Variants in SPIRE1 observed in about 807,000 individuals in gnomAD.
The protein encoded by SPIRE1 is spire type actin nucleation factor 1, also known as protein spire homolog 1.
A neutral mutation model predicts 94.1 loss-of-function variants in SPIRE1; 40 were observed. The observed-to-expected ratio is 0.43, with a 90% CI of 0.33 to 0.55. The LOEUF is 0.55. Among genes scored for constraint, SPIRE1 ranks in the 20% least tolerant of loss-of-function variants. SPIRE1 has a pLI of 0.06. For missense variants in SPIRE1, 838 were observed against 975.2 expected, an observed-to-expected ratio of 0.86 and a Z score of 1.87; for synonymous variants, 376 against 371.7, an observed-to-expected ratio of 1.01 and a Z score of -0.13.
intron 2 of SPIRE1, among the ~76,000 whole-genome samples, chr18:12,620,476 C>T (rs188543933): frequency 2.0e-5 from 3 of 152,268 alleles, no homozygotes; most frequent in Admixed American, 6.5e-5. Context: ...CACAATAGAA[C>T]GGAACTGACA....
At chr18:12,599,437 ATT>A (rs1200832640) in intron 2 of SPIRE1, among the ~76,000 whole-genome samples, 1 of 151,976 alleles carries the variant, frequency 6.6e-6, no homozygotes, top group African/African-American at 2.4e-5. Context: ...ATTTAAAAAA[ATT>A]TTTTTATAGA....
At position 12,449,907 on chromosome 18, in the gene SPIRE1, A is replaced by C; in HGVS notation, c.2013-11T>G. 1 of 1,611,456 alleles carries C rather than the reference A, an allele frequency of 6.2e-7. No homozygotes were observed. The highest frequency in any genetic ancestry group is 8.5e-7 in the Non-Finnish European group (1 of 1,178,444). ...GATTTTGAGGAGAACCTGGGGTGAA[A>C]ACAAAACAGAAGCCCAGCATTGTTA... On this transcript the variant is annotated splice_polypyrimidine_tract_variant and intron_variant, in intron 16 of 16. Transcript: ENST00000409402.
At chr18:12,505,090 T>C (rs486743) in intron 6 of SPIRE1, among the ~76,000 whole-genome samples, 16,909 of 152,022 alleles carry the variant, frequency 0.11, 1,908 homozygotes, top group African/African-American at 0.29. Flanking sequence ...GAAAAGCCAG[T>C]GGAAGGTTCT....
intron 6 of SPIRE1, among the ~76,000 whole-genome samples, chr18:12,501,680 C>T (rs889594023): frequency 6.6e-6 from 1 of 152,164 alleles, no homozygotes; most frequent in African/African-American, 2.4e-5. Flanking sequence ...TGGCGCCTGG[C>T]CCAGGTGTGG....
At position 12,463,423 on chromosome 18, in the gene SPIRE1, A is replaced by C; in HGVS notation, c.1566T>G (p.His522Gln). The C allele has an allele frequency of 6.2e-7, 1 of 1,614,018 alleles. No homozygotes were observed. Among genetic ancestry groups the C allele is most frequent in the Non-Finnish European group, 8.5e-7 (1 of 1,179,970 alleles). ...PERRQPPQRR[H>Q]SIEKETPTNV... ...TAGTAGGCGTTTCCTTTTCAATGGA[A>C]TGTCGTCTCTGGGGTGGCTGCCGTC... Residue 522 changes from histidine (H) to glutamine (Q), a missense_variant, in exon 12 of 17, where the codon CAT (histidine) becomes CAG (glutamine). Around this residue, in one of 2 missense-constraint regions of SPIRE1, gnomAD observed 645 missense variants for 804.7 expected, o/e 0.80. Transcript: ENST00000409402.
chr18:12,450,006 G>T, intron 16 of SPIRE1, 110 bp from the exon 17 acceptor site: 1 of 1,114,594 alleles, frequency 9.0e-7, no homozygotes, highest in Non-Finnish European at 1.3e-6. Flanking sequence ...ATCATGGAAT[G>T]GATGAGTGAT....
Position 12,485,951 on chromosome 18 carries a change from T to A in SPIRE1, c.1231+8A>T. 6.5e-7 allele frequency: 1 copy of A among 1,533,740 alleles called. No homozygotes were observed. On this transcript the variant is annotated splice_region_variant and intron_variant, in intron 9 of 16. Coordinates refer to ENST00000409402, the MANE Select transcript of SPIRE1 (RefSeq NM_001128626.2). ...CGTCAGGTGTAAAAGTGTTTTTGTT[T>A]TTTTTACCTGACAAGTCAAAACTGT...
intron 2 of SPIRE1, among the ~76,000 whole-genome samples, chr18:12,563,221 C>A (rs1213361914): frequency 1.3e-5 from 2 of 150,596 alleles, no homozygotes; most frequent in Non-Finnish European, 3.0e-5. Flanking sequence ...AAAAAAAAAT[C>A]TGAGTTCTAG....
chr18:12,562,032 G>C, intron 2 of SPIRE1, among the ~76,000 whole-genome samples: 1 of 152,136 alleles, frequency 6.6e-6, no homozygotes, highest in South Asian at 2.1e-4. Flanking sequence ...TAATGAGATT[G>C]ACAATAACAG....
At chr18:12,507,497 G>A (rs147197574) in intron 5 of SPIRE1, among the ~76,000 whole-genome samples, 300 of 152,086 alleles carry the variant, frequency 2.0e-3, no homozygotes, top group African/African-American at 6.6e-3. Flanking sequence ...TCAGGAGTTC[G>A]AGACCAGCCT....
intron 2 of SPIRE1, among the ~76,000 whole-genome samples, chr18:12,604,064 C>A (rs188367351): frequency 1.5e-3 from 223 of 152,254 alleles, no homozygotes; most frequent in Admixed American, 2.4e-3. Context: ...CTCTTCATCT[C>A]GTCACCAGTA....
chr18:12,613,788 T>G (rs1359570324), intron 2 of SPIRE1, among the ~76,000 whole-genome samples: 1 of 152,112 alleles, frequency 6.6e-6, no homozygotes, highest in Non-Finnish European at 1.5e-5. Flanking sequence ...CAATCTCAGC[T>G]ACACGAGCAA....
intron 2 of SPIRE1, among the ~76,000 whole-genome samples, chr18:12,569,265 C>G (rs754447316): frequency 6.6e-6 from 1 of 151,176 alleles, no homozygotes; most frequent in African/African-American, 2.4e-5. Flanking sequence ...ATGGCGTGAA[C>G]CTGGGAGGGA....
intron 10 of SPIRE1, among the ~76,000 whole-genome samples, chr18:12,475,802 G>A (rs1046735667): frequency 2.6e-5 from 4 of 152,192 alleles, no homozygotes; most frequent in Admixed American, 2.0e-4. Context: ...AGAAATCACA[G>A]AATCAGCTCC....
intron 7 of SPIRE1, 111 bp from the exon 8 acceptor site, chr18:12,493,312 T>G: frequency 1.0e-6 from 1 of 970,652 alleles, no homozygotes; most frequent in Non-Finnish European, 1.5e-6. Context: ...GAACACTGCT[T>G]GATAAAAGAT....
At chr18:12,615,933 G>A (rs1439540329) in intron 2 of SPIRE1, among the ~76,000 whole-genome samples, 1 of 152,148 alleles carries the variant, frequency 6.6e-6, no homozygotes, top group Admixed American at 6.5e-5. Context: ...ACCTTTTACA[G>A]CTTGTCATGA....
chr18:12,615,170 T>C (rs928684011), intron 2 of SPIRE1, among the ~76,000 whole-genome samples: 6 of 149,454 alleles, frequency 4.0e-5, no homozygotes, highest in Non-Finnish European at 8.9e-5. Flanking sequence ...CTACTAAAAA[T>C]ACAAAAAATT....
intron 2 of SPIRE1, among the ~76,000 whole-genome samples, chr18:12,554,937 T>C (rs1026756246): frequency 6.6e-6 from 1 of 152,056 alleles, no homozygotes; most frequent in Admixed American, 6.6e-5. Flanking sequence ...CCTCCCAGAG[T>C]ATGAAGGAGC....
chr18:12,636,509 A>G (rs567069825), intron 1 of SPIRE1, among the ~76,000 whole-genome samples: 5 of 123,840 alleles, frequency 4.0e-5, no homozygotes, highest in Admixed American at 8.0e-5. Flanking sequence ...ATTTGAAATG[A>G]GTTGGTTGAA....
Sources: allele counts gnomAD v4.1 joint callset (sites outside exome capture counted in the v4.1 genomes callset), GRCh38; gene constraint gnomAD v4.1.1; regional missense constraint gnomAD v4.1.1; transcripts MANE v1.5; gene names NCBI Gene and HGNC (gene_info 2026-07-23, HGNC 2026-07-21).